Variants in GRIN2A observed in about 807,000 individuals in gnomAD.
The protein encoded by GRIN2A is glutamate receptor ionotropic, NMDA 2A.
A neutral mutation model predicts 113.4 loss-of-function variants in GRIN2A; 22 were observed. That is an observed-to-expected ratio of 0.19 (90% CI 0.14 to 0.28). The LOEUF (loss-of-function observed/expected upper bound fraction) is 0.28, where lower values mean the gene tolerates loss of function less well. Ranked by LOEUF, GRIN2A falls within the 10% of genes least tolerant of loss-of-function variation. The pLI is 1.00. For missense variants in GRIN2A, 1,502 were observed against 1,887.0 expected (o/e 0.80, Z 3.78); for synonymous variants, 827 against 738.4 (o/e 1.12, Z -1.94).
At chr16:10,134,516 T>C (rs982624833) in intron 2 of GRIN2A, among the ~76,000 whole-genome samples, 1 of 151,952 alleles carries the variant, frequency 6.6e-6, no homozygotes, top group African/African-American at 2.4e-5. Context: ...TTAGGAGAAA[T>C]ACTTAATGTA....
chr16:9,922,161 A>T (rs2044369681), intron 3 of GRIN2A, among the ~76,000 whole-genome samples: 1 of 152,204 alleles, frequency 6.6e-6, no homozygotes, highest in Non-Finnish European at 1.5e-5. Context: ...GAGTGTGATG[A>T]TATTGCAAAA....
At chr16:9,789,791 C>G (rs1269262944) in intron 11 of GRIN2A, among the ~76,000 whole-genome samples, 1 of 152,188 alleles carries the variant, frequency 6.6e-6, no homozygotes, top group Non-Finnish European at 1.5e-5. Flanking sequence ...ATGAACAAAA[C>G]CACATCAGTG....
At chr16:9,803,011 T>A (rs999915192) in intron 10 of GRIN2A, among the ~76,000 whole-genome samples, 3 of 136,466 alleles carry the variant, frequency 2.2e-5, no homozygotes, top group Admixed American at 1.4e-4. Context: ...TTGTTCCTGT[T>A]GTTAAAAAGA....
At chr16:9,852,783 C>T (rs1161546993) in intron 4 of GRIN2A, among the ~76,000 whole-genome samples, 1 of 152,154 alleles carries the variant, frequency 6.6e-6, no homozygotes, top group Admixed American at 6.5e-5. Flanking sequence ...CTTTCCCTGC[C>T]TATATTCCTA....
rs1340983624 is a variant in GRIN2A at position 9,880,331 on chromosome 16, A to C, written c.1122+10655T>G. On this transcript the variant is annotated intron_variant, in intron 4 of 12. Transcript: ENST00000330684. ...TCAGACTAAGCATTCTCACACTCCAAATTTCTTTCTGCAACTATTAGGCTT... is the reference window on the plus strand; with the variant it reads ...TCAGACTAAGCATTCTCACACTCCACATTTCTTTCTGCAACTATTAGGCTT... Among the ~76,000 whole-genome samples the C allele has an allele frequency of 1.5e-4, 23 of 152,246 alleles. 1 individual carries two copies. The South Asian group carries it at 2.9e-3, about 19-fold the overall frequency.
intron 2 of GRIN2A, among the ~76,000 whole-genome samples, chr16:9,991,207 T>C (rs968812969): frequency 6.6e-6 from 1 of 152,234 alleles, no homozygotes; most frequent in Non-Finnish European, 1.5e-5. Context: ...TCAGATTTAA[T>C]GCTTCCAACG....
intron 9 of GRIN2A, among the ~76,000 whole-genome samples, chr16:9,827,745 A>C (rs960111451): frequency 6.6e-6 from 1 of 152,212 alleles, no homozygotes; most frequent in African/African-American, 2.4e-5. Context: ...AAGGGATCCC[A>C]GGAGATCCAG....
At chr16:9,812,611 C>G (rs1229326707) in intron 10 of GRIN2A, among the ~76,000 whole-genome samples, 1 of 151,934 alleles carries the variant, frequency 6.6e-6, no homozygotes, top group Non-Finnish European at 1.5e-5. Flanking sequence ...GCACTCCAGT[C>G]TGGGTGACAG....
chr16:9,774,423 A>G (rs191301611), intron 11 of GRIN2A, among the ~76,000 whole-genome samples: 2 of 152,360 alleles, frequency 1.3e-5, no homozygotes, highest in African/African-American at 4.8e-5. Context: ...TATCTGAGTC[A>G]GACGGCCTGC....
At chr16:10,059,368 T>C (rs1247291776) in intron 2 of GRIN2A, among the ~76,000 whole-genome samples, 4 of 147,482 alleles carry the variant, frequency 2.7e-5, no homozygotes, top group South Asian at 4.2e-4. Context: ...TTAGAGGCCA[T>C]TGCATTCATC....
intron 3 of GRIN2A, among the ~76,000 whole-genome samples, chr16:9,894,770 T>G (rs1208885802): frequency 6.6e-6 from 1 of 152,206 alleles, no homozygotes; most frequent in Non-Finnish European, 1.5e-5. Context: ...TCAGTTAATG[T>G]TTGGCAAGTA....
At chr16:10,158,863 G>A (rs750357656) in intron 2 of GRIN2A, among the ~76,000 whole-genome samples, 12 of 152,184 alleles carry the variant, frequency 7.9e-5, no homozygotes, top group East Asian at 1.9e-4. Context: ...CATTGTGAAC[G>A]TACTAAACGC....
At chr16:10,087,291 C>T (rs1168960784) in intron 2 of GRIN2A, among the ~76,000 whole-genome samples, 7 of 152,240 alleles carry the variant, frequency 4.6e-5, no homozygotes, top group Admixed American at 3.3e-4. Flanking sequence ...TATCTGCTGT[C>T]CCTCCTCTCT....
At chr16:9,812,035 C>T (rs918603199) in intron 10 of GRIN2A, among the ~76,000 whole-genome samples, 6 of 152,044 alleles carry the variant, frequency 3.9e-5, no homozygotes, top group African/African-American at 1.2e-4. Context: ...AAAAATATGA[C>T]GAAATTGGTA....
intron 2 of GRIN2A, among the ~76,000 whole-genome samples, chr16:10,175,130 T>A (rs962220844): frequency 1.3e-5 from 2 of 152,230 alleles, no homozygotes; most frequent in African/African-American, 2.4e-5. Context: ...AGCCTATAGC[T>A]CATAGCCTAG....
chr16:9,895,911 T>C (rs957140557), intron 3 of GRIN2A, among the ~76,000 whole-genome samples: 3 of 152,186 alleles, frequency 2.0e-5, no homozygotes, highest in African/African-American at 4.8e-5. Context: ...TAGTAAATTA[T>C]CAAGAAATTT....
chr16:10,050,152 A>G (rs1430285081), intron 2 of GRIN2A, among the ~76,000 whole-genome samples: 1 of 152,200 alleles, frequency 6.6e-6, no homozygotes, highest in African/African-American at 2.4e-5. Flanking sequence ...AATCAGAAGT[A>G]TTCTTCTAAG....
chr16:10,049,541 C>A (rs1047614725), intron 2 of GRIN2A, among the ~76,000 whole-genome samples: 1 of 152,046 alleles, frequency 6.6e-6, no homozygotes, highest in South Asian at 2.1e-4. Context: ...CTACGCCCAC[C>A]TAATTTTTTG....
intron 2 of GRIN2A, among the ~76,000 whole-genome samples, chr16:10,041,521 A>C (rs1173449374): frequency 1.3e-5 from 2 of 152,218 alleles, no homozygotes; most frequent in African/African-American, 4.8e-5. Context: ...TCTTTAAAAC[A>C]CAAGTATCTC....
Sources: allele counts gnomAD v4.1 joint callset (sites outside exome capture counted in the v4.1 genomes callset), GRCh38; gene constraint gnomAD v4.1.1; transcripts MANE v1.5; gene names NCBI Gene and HGNC (gene_info 2026-07-23, HGNC 2026-07-21).